Variants in PALM2AKAP2 observed in about 807,000 individuals in gnomAD.
PALM2AKAP2 encodes the protein PALM2 and AKAP2 fusion.
In PALM2AKAP2, 37 loss-of-function variants were observed where a neutral mutation model predicts 71.5. The observed-to-expected ratio is 0.52, with a 90% CI of 0.40 to 0.68. The LOEUF is 0.68. PALM2AKAP2 is among the 30% of genes least tolerant of loss of function. PALM2AKAP2 has a pLI of 0.00. For synonymous variants in PALM2AKAP2, 468 were observed against 478.8 expected, an observed-to-expected ratio of 0.98 and a Z score of 0.29; for missense variants, 1,224 against 1,191.8, an observed-to-expected ratio of 1.03 and a Z score of -0.40.
chr9:109,641,952 G>T (rs552079573), intron 1 of PALM2AKAP2, among the ~76,000 whole-genome samples: 1 of 152,192 alleles, frequency 6.6e-6, no homozygotes, highest in African/African-American at 2.4e-5. Flanking sequence ...AGGAGTCACA[G>T]TCATGGATTT....
exon 2 of PALM2AKAP2, chr9:110,136,754 C>G (rs115538409): frequency 6.2e-7 from 1 of 1,614,162 alleles, no homozygotes; most frequent in Non-Finnish European, 8.5e-7. Flanking sequence ...TCTCACCACA[C>G]TGAAAAAGGA....
At chr9:109,744,903 C>G (rs1828775549) in intron 1 of PALM2AKAP2, among the ~76,000 whole-genome samples, 1 of 152,188 alleles carries the variant, frequency 6.6e-6, no homozygotes, top group African/African-American at 2.4e-5. Context: ...CTTGCTCTCT[C>G]CTCTCTTCCG....
At chr9:109,706,465 A>G (rs62581702) in intron 1 of PALM2AKAP2, among the ~76,000 whole-genome samples, 1 of 152,136 alleles carries the variant, frequency 6.6e-6, no homozygotes, top group Non-Finnish European at 1.5e-5. Flanking sequence ...TGGGGATATA[A>G]AGTGGTGCAG....
At chr9:109,824,804 TA>T (rs1421125475) in intron 1 of PALM2AKAP2, among the ~76,000 whole-genome samples, 2 of 152,254 alleles carry the variant, frequency 1.3e-5, no homozygotes, top group African/African-American at 4.8e-5. Context: ...GTCTGCCATG[TA>T]GTTACTTTAA....
intron 1 of PALM2AKAP2, among the ~76,000 whole-genome samples, chr9:109,742,257 ACACACACACACAC>A (rs1828727025): frequency 1.3e-4 from 1 of 7,542 alleles, no homozygotes; most frequent in Admixed American, 9.3e-4. Flanking sequence ...GTATTCACAC[ACACACACACACAC>A]ACACACACAC....
intron 1 of PALM2AKAP2, among the ~76,000 whole-genome samples, chr9:109,848,372 G>A (rs558181333): frequency 6.6e-6 from 1 of 152,330 alleles, no homozygotes; most frequent in African/African-American, 2.4e-5. Context: ...CCTGGAAGAT[G>A]TTTCCTGTGC....
chr9:110,060,198 C>T (rs1225130372), intron 1 of PALM2AKAP2, among the ~76,000 whole-genome samples: 3 of 151,952 alleles, frequency 2.0e-5, no homozygotes, highest in South Asian at 2.1e-4. Flanking sequence ...CTGCAACCTC[C>T]GCCTCCTGTG....
chr9:109,770,508 C>G (rs1254010401), intron 1 of PALM2AKAP2, among the ~76,000 whole-genome samples: 2 of 152,196 alleles, frequency 1.3e-5, no homozygotes, highest in African/African-American at 4.8e-5. Context: ...ACTTTTGTCT[C>G]CCACCTCTGA....
At chr9:110,004,049 T>C (rs1278022411) in intron 6 of PALM2AKAP2, among the ~76,000 whole-genome samples, 1 of 152,238 alleles carries the variant, frequency 6.6e-6, no homozygotes, top group East Asian at 1.9e-4. Context: ...AATATTGTTA[T>C]GTATGAATTT....
At chr9:109,786,829 G>A (rs1329818673) in intron 1 of PALM2AKAP2, among the ~76,000 whole-genome samples, 1 of 152,180 alleles carries the variant, frequency 6.6e-6, no homozygotes, top group Non-Finnish European at 1.5e-5. Flanking sequence ...AAAAAGCTAA[G>A]TGAGGGGGGT....
intron 1 of PALM2AKAP2, among the ~76,000 whole-genome samples, chr9:109,684,571 C>T (rs1827781781): frequency 6.6e-6 from 1 of 152,196 alleles, no homozygotes; most frequent in South Asian, 2.1e-4. Context: ...TAATCCATCA[C>T]AGCCAATATG....
chr9:109,780,805 AG>A (rs1250817752), intron 1 of PALM2AKAP2, among the ~76,000 whole-genome samples: 6 of 152,106 alleles, frequency 3.9e-5, no homozygotes, highest in Non-Finnish European at 8.8e-5. Flanking sequence ...GACTAAACAG[AG>A]GCTTGGGGTG....
intron 3 of PALM2AKAP2, among the ~76,000 whole-genome samples, chr9:109,883,487 C>T (rs1564194540): frequency 6.6e-6 from 1 of 152,188 alleles, no homozygotes; most frequent in Non-Finnish European, 1.5e-5. Context: ...GCATCGTTTC[C>T]TCTGCAGGGC....
At position 109,840,140 on chromosome 9, in the gene PALM2AKAP2, C is replaced by G. The variant is rs146810990; in HGVS notation, c.46-27351C>G. On this transcript the variant is annotated intron_variant, in intron 1 of 9. Coordinates refer to the PALM2AKAP2 transcript ENST00000302798. Reference sequence around the variant, plus strand: ...TACTACAAGGCTATAGTAACCAAAACAGCAATGGTACTGGTACCAAAACAG... The same window carrying G: ...TACTACAAGGCTATAGTAACCAAAAGAGCAATGGTACTGGTACCAAAACAG... Among the ~76,000 whole-genome samples, 288 of 152,318 alleles carry G rather than the reference C, an allele frequency of 1.9e-3. 8 individuals are homozygous for G. In the East Asian group the frequency reaches 0.046, roughly 24 times the overall value.
chr9:109,894,959 T>C (rs972553592), intron 3 of PALM2AKAP2, among the ~76,000 whole-genome samples: 8 of 152,106 alleles, frequency 5.3e-5, no homozygotes, highest in Non-Finnish European at 1.2e-4. Flanking sequence ...TTCTGCAAGA[T>C]TTACCTTTGA....
At chr9:109,777,992 C>A (rs1262523530), upstream of PALM2AKAP2, among the ~76,000 whole-genome samples, 1 of 152,212 alleles carries the variant, frequency 6.6e-6, no homozygotes, top group Non-Finnish European at 1.5e-5. Flanking sequence ...AAAGGGTGCC[C>A]AGGCCCTTTT....
chr9:109,773,453 C>T (rs1829303337), intron 1 of PALM2AKAP2, among the ~76,000 whole-genome samples: 1 of 152,206 alleles, frequency 6.6e-6, no homozygotes, highest in Non-Finnish European at 1.5e-5. Flanking sequence ...ACCTTCTAAA[C>T]ATCTTCCCAC....
At chr9:109,927,920 A>G (rs957216130) in intron 5 of PALM2AKAP2, among the ~76,000 whole-genome samples, 1 of 152,230 alleles carries the variant, frequency 6.6e-6, no homozygotes, top group Non-Finnish European at 1.5e-5. Context: ...AACTCTTGCC[A>G]GAACAGGCAA....
chr9:109,893,627 C>T (rs776384869), intron 3 of PALM2AKAP2, among the ~76,000 whole-genome samples: 1 of 152,028 alleles, frequency 6.6e-6, no homozygotes, highest in Admixed American at 6.6e-5. Flanking sequence ...TGTATTAACA[C>T]CGTAGAGATG....
Sources: gnomAD v4.1 joint callset for allele counts (sites outside exome capture counted in the v4.1 genomes callset) on GRCh38, gnomAD v4.1.1 for gene constraint, MANE v1.5 for transcripts, NCBI Gene and HGNC (gene_info 2026-07-23, HGNC 2026-07-21) for gene names.